Variants in CACNA1E observed in about 807,000 individuals in gnomAD.
CACNA1E encodes voltage-dependent R-type calcium channel subunit alpha-1E.
Under a neutral mutation model 259.2 loss-of-function variants are expected in CACNA1E, and 40 were observed. The observed-to-expected ratio is 0.15, with a 90% CI of 0.12 to 0.20. The LOEUF is 0.20. Ranked by LOEUF, CACNA1E falls within the 10% of genes least tolerant of loss-of-function variation. The pLI is 1.00. For missense variants in CACNA1E, 1,874 were observed against 3,040.1 expected (o/e 0.62, Z 9.02); for synonymous variants, 1,104 against 1,138.5 (o/e 0.97, Z 0.61).
Position 181,742,330 on chromosome 1 carries a change from G to A in CACNA1E, c.3719+3077G>A, listed in dbSNP as rs539663816. On this transcript the variant is annotated intron_variant, in intron 25 of 47. Transcript: ENST00000367573. Reference sequence around the variant, plus strand: ...TATATTCCTCATGGTCAGGGGCTCAGGCCAGCAGAAAGCCAAATGTGGGGT... The same window carrying A: ...TATATTCCTCATGGTCAGGGGCTCAAGCCAGCAGAAAGCCAAATGTGGGGT... 5.1e-4 allele frequency among the ~76,000 whole-genome samples: 78 copies of A among 152,310 alleles called. No homozygotes were observed. The South Asian group carries it at 0.016, about 31-fold the overall frequency.
intron 43 of CACNA1E, among the ~76,000 whole-genome samples, chr1:181,789,424 A>G (rs936792379): frequency 2.6e-5 from 4 of 152,128 alleles, no homozygotes; most frequent in Non-Finnish European, 4.4e-5. Context: ...ATCCTTGCTC[A>G]TGCCTTGAGT....
chr1:181,729,440 A>G (rs1655257438), intron 18 of CACNA1E, among the ~76,000 whole-genome samples: 1 of 152,268 alleles, frequency 6.6e-6, no homozygotes, highest in Non-Finnish European at 1.5e-5. Flanking sequence ...CTTTAAGTGC[A>G]AACATGGCTA....
chr1:181,504,919 A>G (rs1250269446), intron 1 of CACNA1E, among the ~76,000 whole-genome samples: 1 of 152,230 alleles, frequency 6.6e-6, no homozygotes. Context: ...ATGGGCTCAG[A>G]GGGAACGAGG....
chr1:181,573,897 C>A (rs1301451968), intron 3 of CACNA1E, among the ~76,000 whole-genome samples: 1 of 152,198 alleles, frequency 6.6e-6, no homozygotes, highest in African/African-American at 2.4e-5. Context: ...CAATGATAGA[C>A]TGGATAAAGA....
chr1:181,334,227 T>C (rs1651511430), intron 1 of CACNA1E, among the ~76,000 whole-genome samples: 1 of 152,218 alleles, frequency 6.6e-6, no homozygotes, highest in African/African-American at 2.4e-5. Flanking sequence ...CCTCTCCTCG[T>C]GTTCATTGCT....
At chr1:181,342,422 TA>T (rs1223178234) in intron 1 of CACNA1E, among the ~76,000 whole-genome samples, 19 of 149,034 alleles carry the variant, frequency 1.3e-4, no homozygotes, top group South Asian at 4.3e-4. Context: ...TTCATAACAG[TA>T]AAAAAAAAAT....
chr1:181,539,252 C>T (rs1668401794), intron 3 of CACNA1E, among the ~76,000 whole-genome samples: 1 of 152,200 alleles, frequency 6.6e-6, no homozygotes, highest in Non-Finnish European at 1.5e-5. Flanking sequence ...GTATCTCCTC[C>T]ACTACATAGC....
chr1:181,610,530 TTGCAATAC>T (rs1654660750), intron 6 of CACNA1E, among the ~76,000 whole-genome samples: 1 of 152,240 alleles, frequency 6.6e-6, no homozygotes, highest in Admixed American at 6.5e-5. Flanking sequence ...TAATTATTCC[TTGCAATAC>T]AGCAAAAAGT....
chr1:181,452,594 CTA>C (rs1399932128), intron 2 of CACNA1E, among the ~76,000 whole-genome samples: 1 of 152,134 alleles, frequency 6.6e-6, no homozygotes, highest in Non-Finnish European at 1.5e-5. Context: ...TTCCAGTTTT[CTA>C]TGTCAGCCTG....
chr1:181,745,961 A>G (rs2102630469), intron 25 of CACNA1E, among the ~76,000 whole-genome samples: 1 of 152,320 alleles, frequency 6.6e-6, no homozygotes, highest in East Asian at 1.9e-4. Context: ...AAGCTTGCAA[A>G]AGGCTCTCGG....
intron 6 of CACNA1E, among the ~76,000 whole-genome samples, chr1:181,601,431 T>C (rs149678434): frequency 4.2e-4 from 64 of 152,308 alleles, no homozygotes; most frequent in African/African-American, 1.5e-3. Flanking sequence ...CTCAAAGCCA[T>C]CTGCTCTCTC....
At chr1:181,400,154 G>A (rs1045554448) in intron 1 of CACNA1E, among the ~76,000 whole-genome samples, 2 of 152,120 alleles carry the variant, frequency 1.3e-5, no homozygotes, top group African/African-American at 4.8e-5. Flanking sequence ...CAAAACTCAG[G>A]TTATAAAAAT....
intron 17 of CACNA1E, among the ~76,000 whole-genome samples, chr1:181,725,758 C>T (rs1044545230): frequency 6.6e-6 from 1 of 152,234 alleles, no homozygotes; most frequent in Non-Finnish European, 1.5e-5. Flanking sequence ...CCATAGCCAG[C>T]TCCACTGAGG....
chr1:181,724,013 G>C (rs1056596961), intron 16 of CACNA1E, among the ~76,000 whole-genome samples: 2 of 152,176 alleles, frequency 1.3e-5, no homozygotes, highest in African/African-American at 2.4e-5. Context: ...CAGGGGTTGT[G>C]GGGGTAGGGC....
chr1:181,504,742 C>G (rs1017542862), intron 1 of CACNA1E, among the ~76,000 whole-genome samples: 6 of 152,214 alleles, frequency 3.9e-5, no homozygotes, highest in Non-Finnish European at 7.3e-5. Flanking sequence ...CCACGTCGTG[C>G]TGCTCAAATT....
chr1:181,756,749 A>G (rs1572812408), intron 29 of CACNA1E, among the ~76,000 whole-genome samples, 176 bp from the exon 30 acceptor site: 1 of 152,324 alleles, frequency 6.6e-6, no homozygotes, highest in East Asian at 1.9e-4. Flanking sequence ...AGAGGCTAGA[A>G]AGAGAAGTGG....
chr1:181,582,273 C>T (rs769860973), intron 6 of CACNA1E, among the ~76,000 whole-genome samples: 1 of 152,230 alleles, frequency 6.6e-6, no homozygotes, highest in Non-Finnish European at 1.5e-5. Flanking sequence ...CTGGAGGACA[C>T]TCTGCAGTTC....
intron 3 of CACNA1E, among the ~76,000 whole-genome samples, chr1:181,561,077 G>A (rs1016793552): frequency 6.6e-6 from 1 of 152,170 alleles, no homozygotes; most frequent in Non-Finnish European, 1.5e-5. Context: ...TTGCCAGGGG[G>A]CTAGCAGGAG....
chr1:181,648,293 T>C (rs887379033), intron 6 of CACNA1E, among the ~76,000 whole-genome samples: 1 of 152,182 alleles, frequency 6.6e-6, no homozygotes, highest in African/African-American at 2.4e-5. Context: ...ACAGTTAAGG[T>C]TTCTGCCTGA....
Sources: allele counts gnomAD v4.1 joint callset (sites outside exome capture counted in the v4.1 genomes callset), GRCh38; gene constraint gnomAD v4.1.1; transcripts MANE v1.5; gene names NCBI Gene and HGNC (gene_info 2026-07-23, HGNC 2026-07-21).